Variants in MSRA observed in about 807,000 individuals in gnomAD.
MSRA encodes the protein methionine sulfoxide reductase A, also known as mitochondrial peptide methionine sulfoxide reductase.
MSRA carries 54 observed loss-of-function variants against 31.3 expected under a neutral mutation model. The observed-to-expected ratio is 1.73, with a 90% CI of 1.39 to 2.17. MSRA has a LOEUF of 2.17. Ranked by LOEUF, MSRA falls within the 30% of genes most tolerant of loss-of-function variation. The pLI, the probability that MSRA is intolerant of heterozygous loss-of-function variation, is 0.00. For synonymous variants in MSRA, 169 were observed against 116.5 expected (o/e 1.45, Z -2.90); for missense variants, 507 against 300.9 (o/e 1.69, Z -5.07).
chr8:10,298,734 A>G (rs946202692), intron 3 of MSRA, among the ~76,000 whole-genome samples: 2 of 152,164 alleles, frequency 1.3e-5, no homozygotes, highest in African/African-American at 4.8e-5. Flanking sequence ...GGATAGTAAA[A>G]TATGTGGTAT....
chr8:10,358,926 C>T (rs1365701174), intron 5 of MSRA, among the ~76,000 whole-genome samples: 5 of 152,076 alleles, frequency 3.3e-5, no homozygotes, highest in Non-Finnish European at 5.9e-5. Context: ...GTGAACTGCA[C>T]GTGTGAGGGA....
At chr8:10,139,286 G>C (rs1277964182) in intron 1 of MSRA, among the ~76,000 whole-genome samples, 1 of 152,082 alleles carries the variant, frequency 6.6e-6, no homozygotes, top group African/African-American at 2.4e-5. Context: ...TTGAATATTG[G>C]AATGATAAAG....
chr8:10,323,184 C>T (rs980562388), intron 5 of MSRA, among the ~76,000 whole-genome samples: 18 of 151,688 alleles, frequency 1.2e-4, no homozygotes, highest in Non-Finnish European at 2.1e-4. Context: ...TCCAACCAGG[C>T]AGGACACTAC....
At chr8:10,197,903 C>T (rs1808136113) in intron 1 of MSRA, among the ~76,000 whole-genome samples, 1 of 152,182 alleles carries the variant, frequency 6.6e-6, no homozygotes, top group East Asian at 1.9e-4. Flanking sequence ...GCCCACAACC[C>T]TGGGAAGAAA....
At chr8:10,172,520 A>G (rs1347483908) in intron 1 of MSRA, among the ~76,000 whole-genome samples, 1 of 152,156 alleles carries the variant, frequency 6.6e-6, no homozygotes, top group Non-Finnish European at 1.5e-5. Flanking sequence ...GTATTAGCGT[A>G]GGGGCGGAGG....
At chr8:10,055,170 T>TGA (rs1554532099) in intron 1 of MSRA, among the ~76,000 whole-genome samples, 1 of 152,060 alleles carries the variant, frequency 6.6e-6, no homozygotes, top group African/African-American at 2.4e-5. Flanking sequence ...GTGTTCTGGC[T>TGA]GAGTCACCCC....
chr8:10,299,549 CA>C (rs1219274033), intron 3 of MSRA, among the ~76,000 whole-genome samples: 1 of 151,832 alleles, frequency 6.6e-6, no homozygotes, highest in Non-Finnish European at 1.5e-5. Flanking sequence ...ATGGACTAGC[CA>C]ATTAATAATA....
chr8:10,382,408 T>C (rs1326713506), intron 5 of MSRA, among the ~76,000 whole-genome samples: 1 of 151,988 alleles, frequency 6.6e-6, no homozygotes, highest in African/African-American at 2.4e-5. Flanking sequence ...GTACCCAGAG[T>C]CGCCCTTGTA....
intron 3 of MSRA, among the ~76,000 whole-genome samples, chr8:10,271,310 G>A: frequency 6.6e-6 from 1 of 152,106 alleles, no homozygotes; most frequent in East Asian, 1.9e-4. Context: ...CAGAATTTGG[G>A]ATACACTAAG....
At chr8:10,245,316 T>G in intron 3 of MSRA, 93 bp downstream of exon 3, 1 of 1,210,736 alleles carries the variant, frequency 8.3e-7, no homozygotes, top group Admixed American at 2.2e-5. Flanking sequence ...TGGAAATATG[T>G]TTTTTTAAAA....
chr8:10,252,621 A>C (rs1797975153), intron 3 of MSRA, among the ~76,000 whole-genome samples: 1 of 152,200 alleles, frequency 6.6e-6, no homozygotes, highest in Non-Finnish European at 1.5e-5. Flanking sequence ...CCTCCCTTTC[A>C]AGCTTCTGCA....
chr8:10,324,722 C>G (rs1191178528), intron 5 of MSRA, among the ~76,000 whole-genome samples: 1 of 152,104 alleles, frequency 6.6e-6, no homozygotes, highest in Non-Finnish European at 1.5e-5. Context: ...TGTGTGGTTC[C>G]AGGGAGCAGG....
At chr8:10,399,784 A>G (rs1426969193) in intron 5 of MSRA, among the ~76,000 whole-genome samples, 1 of 152,170 alleles carries the variant, frequency 6.6e-6, no homozygotes, top group Non-Finnish European at 1.5e-5. Context: ...GGAGGTGGTT[A>G]TGGTGGCGGC....
chr8:10,292,775 A>G (rs537633510), intron 3 of MSRA, among the ~76,000 whole-genome samples: 1 of 152,270 alleles, frequency 6.6e-6, no homozygotes, highest in South Asian at 2.1e-4. Context: ...GACTGGGGAC[A>G]GCAGGACCTG....
At chr8:10,063,358 G>T (rs1797303501) in intron 1 of MSRA, among the ~76,000 whole-genome samples, 1 of 152,192 alleles carries the variant, frequency 6.6e-6, no homozygotes, top group South Asian at 2.1e-4. Context: ...TTCTCTCACT[G>T]TTTAGGGAAC....
intron 5 of MSRA, among the ~76,000 whole-genome samples, chr8:10,423,101 G>A (rs1461771089): frequency 1.3e-5 from 2 of 152,184 alleles, no homozygotes; most frequent in East Asian, 3.9e-4. Context: ...TGTCTCGGCA[G>A]TCACGAATGG....
At chr8:10,105,693 C>T (rs755747247) in intron 1 of MSRA, among the ~76,000 whole-genome samples, 2 of 152,274 alleles carry the variant, frequency 1.3e-5, no homozygotes, top group African/African-American at 2.4e-5. Context: ...TTCCCCTAAC[C>T]AGTAGTCTTG....
chr8:10,250,619 G>A, intron 3 of MSRA: 1 of 620,272 alleles, frequency 1.6e-6, no homozygotes, highest in Non-Finnish European at 2.9e-6. Context: ...CAAGCAGGCT[G>A]TTCAGCAGAG....
At chr8:10,220,927 G>A (rs1170899952) in intron 2 of MSRA, among the ~76,000 whole-genome samples, 2 of 152,198 alleles carry the variant, frequency 1.3e-5, no homozygotes, top group African/African-American at 2.4e-5. Context: ...GGAGCAGGAA[G>A]TGACAGCTAC....
Sources: allele counts gnomAD v4.1 joint callset (sites outside exome capture counted in the v4.1 genomes callset), GRCh38; gene constraint gnomAD v4.1.1; transcripts MANE v1.5; gene names NCBI Gene and HGNC (gene_info 2026-07-23, HGNC 2026-07-21).